The following DCST1 variants were observed in gnomAD, a reference collection of about 807,000 sequenced individuals.
The protein encoded by DCST1 is DC-STAMP domain containing 1, also known as E3 ubiquitin-protein ligase DCST1.
DCST1 carries 78 observed loss-of-function variants against 89.1 expected under a neutral mutation model. The ratio of observed to expected loss-of-function variants is 0.88; its 90% confidence interval spans 0.73 to 1.06. The LOEUF is 1.06. Ranked by LOEUF, DCST1 falls within the 50% of genes least tolerant of loss-of-function variation. The pLI is 0.00. For synonymous variants in DCST1, 364 were observed against 371.9 expected, an observed-to-expected ratio of 0.98 and a Z score of 0.24; for missense variants, 900 against 928.6, an observed-to-expected ratio of 0.97 and a Z score of 0.40.
At chr1:155,050,477 A>G in intron 16 of DCST1, 140 bp from the exon 17 acceptor site, 1 of 1,195,108 alleles carries the variant, frequency 8.4e-7, no homozygotes, top group Non-Finnish European at 1.1e-6. Context: ...CTCGCCCTCC[A>G]GGGGTTTCCT....
At position 155,046,168 on chromosome 1, in the gene DCST1, C is replaced by T. The variant is rs1558110133; in HGVS notation, c.1316C>T (p.Thr439Ile). ...LLPLRKAEEK[T>I]VIFPCKPTIQ... ...CCACTCCGCAAAGCTGAGGAGAAAA[C>T]CGTCATCTTCCCTTGCAAGCCCACC... The change falls in exon 12 of 17, where the codon ACC (threonine) becomes ATC (isoleucine). Residue 439 changes from threonine (T) to isoleucine (I), a missense_variant. Physicochemically the swap from Thr to Ile is moderately conservative, Grantham distance 89 (BLOSUM62 -1). Coordinates refer to ENST00000295542, the MANE Select transcript of DCST1 (RefSeq NM_152494.4). 4 of 1,614,234 alleles carry T rather than the reference C, an allele frequency of 2.5e-6. No homozygotes were observed. The highest frequency in any genetic ancestry group is 3.4e-6 in the Non-Finnish European group (4 of 1,180,050).
chr1:155,034,714 G>A lies in DCST1; in HGVS notation c.249G>A (p.Leu83=). ...NIYEEQKIMF[L]YSLVGLGAMG... ...ACGAAGAACAGAAGATTATGTTCTT[G>A]TACAGCTTGGTGGGTTAGTGCTGGG... is the stretch of plus-strand genomic sequence containing the variant. The change falls in exon 4 of 17, where the codon TTG becomes TTA. Residue 83 remains leucine (L), a synonymous_variant. Coordinates refer to ENST00000295542, the MANE Select transcript of DCST1 (RefSeq NM_152494.4). The A allele has an allele frequency of 6.2e-7, 1 of 1,614,176 alleles. No homozygotes were observed. The highest frequency in any genetic ancestry group is 8.5e-7 in the Non-Finnish European group (1 of 1,180,030).
At chr1:155,038,455 T>G (rs1035263164) in intron 4 of DCST1, among the ~76,000 whole-genome samples, 1 of 152,194 alleles carries the variant, frequency 6.6e-6, no homozygotes, top group African/African-American at 2.4e-5. Context: ...AGAGAGGACA[T>G]AGGGAGACTC....
At chr1:155,049,169 G>A (rs977772297) in intron 16 of DCST1, 5 of 683,286 alleles carry the variant, frequency 7.3e-6, no homozygotes, top group African/African-American at 3.5e-5. Flanking sequence ...GTGTGACCTT[G>A]AGCACATGAC....
chr1:155,033,835 G>T lies in DCST1; in HGVS notation c.-85G>T. On this transcript the variant is annotated 5_prime_UTR_variant, in exon 1 of 17. Transcript: ENST00000295542. ...GTCTTGGAATCCTTGACCCAGTTCC[G>T]AGGACTGGAGAGGGGATAGGTAGGT... 7.4e-7 allele frequency: 1 copy of T among 1,355,394 alleles called. No individual in the cohort carries two copies. Among genetic ancestry groups the T allele is most frequent in the South Asian group, 1.4e-5 (1 of 71,114 alleles). 84.0% of individuals were successfully genotyped at this position (1,355,394 alleles called of 1,614,324 possible). A position where few individuals can be genotyped will look rare whatever the true frequency, so the allele number is the denominator to read the frequency against.
chr1:155,046,041 G>A, intron 11 of DCST1, 49 bp downstream of exon 11: 1 of 1,613,156 alleles, frequency 6.2e-7, no homozygotes, highest in Non-Finnish European at 8.5e-7. Context: ...TGTGTGCCCT[G>A]TGTGGGTTCA....
chr1:155,042,002 G>T, intron 8 of DCST1, 145 bp downstream of exon 8: 1 of 1,131,462 alleles, frequency 8.8e-7, no homozygotes, highest in Non-Finnish European at 1.2e-6. Context: ...TCCACCTGCT[G>T]AATAGCTCTG....
rs772290331 is a variant in DCST1, at chr1:155,046,216, A to G, written c.1364A>G (p.Asn455Ser). Reference sequence around the variant, plus strand: ...ACCATCCAGGCCTCAGAAATGAGCAATGTGGTGAGGACAGCATGGGGAGCG... The same window carrying G: ...ACCATCCAGGCCTCAGAAATGAGCAGTGTGGTGAGGACAGCATGGGGAGCG... Reference protein sequence around the residue: ...KPTIQASEMSNVVRELLETLP... With the variant: ...KPTIQASEMSSVVRELLETLP... Residue 455 changes from asparagine (N) to serine (S), a missense_variant, in exon 12 of 17, where the codon AAT becomes AGT. Physicochemically the swap from Asn to Ser is conservative, Grantham distance 46. Coordinates refer to ENST00000295542, the MANE Select transcript of DCST1 (RefSeq NM_152494.4). The G allele has an allele frequency of 7.4e-6, 12 of 1,614,094 alleles. No individual in the cohort carries two copies. The Admixed American group carries it at 1.8e-4, about 25-fold the overall frequency.
At chr1:155,049,071 C>T (rs1046344604) in intron 16 of DCST1, 1 of 717,226 alleles carries the variant, frequency 1.4e-6, no homozygotes, top group African/African-American at 1.7e-5. Context: ...CACTGGAGAT[C>T]AGCCTAGAGT....
rs1315035338 is a variant in DCST1 at position 155,041,835 on chromosome 1, G to A, written c.870G>A (p.Lys290=). ...TGCTCTGCCTGCCTATGAAGTTCAA[G>A]TTCTTCTGTGGCATTGCCAAGGGTC... The part of the protein sequence containing the change: ...THLLCLPMKF[K]FFCGIAKVME... Residue 290 remains lysine (K), a synonymous_variant, in exon 8 of 17, where the codon AAG becomes AAA. Transcript: ENST00000295542. The A allele has an allele frequency of 1.2e-6, 2 of 1,614,260 alleles. No individual in the cohort carries two copies. Among genetic ancestry groups the A allele is most frequent in the Admixed American group, 3.3e-5 (2 of 60,032 alleles).
At chr1:155,035,068 A>ATTCG (rs1660232606) in intron 4 of DCST1, 1 of 306,406 alleles carries the variant, frequency 3.3e-6, no homozygotes, top group South Asian at 4.5e-5. Context: ...TCATTCATTC[A>ATTCG]TTCATTCACT....
intron 2 of DCST1, 87 bp from the exon 3 acceptor site, chr1:155,034,348 C>T (rs1235065993): frequency 6.2e-7 from 1 of 1,608,774 alleles, no homozygotes; most frequent in Non-Finnish European, 8.5e-7. Flanking sequence ...GTTTCCCCAG[C>T]CTCTATCCAC....
At chr1:155,042,703 G>A in intron 8 of DCST1, 32 bp from the exon 9 acceptor site, 7 of 1,613,598 alleles carry the variant, frequency 4.3e-6, no homozygotes, top group Non-Finnish European at 5.9e-6. Flanking sequence ...ACAGGCCCGG[G>A]GAGGCCCCTG....
chr1:155,050,643 C>T lies in DCST1; in HGVS notation c.1896C>T (p.His632=), dbSNP rs767413928. 19 of 1,594,044 alleles carry T rather than the reference C, an allele frequency of 1.2e-5. No individual in the cohort carries two copies. The South Asian group carries it at 1.7e-4, about 14-fold the overall frequency. Residue 632 remains histidine, a synonymous_variant, in exon 17 of 17, where the codon CAC becomes CAT. Transcript: ENST00000295542. ...GCCACCCGCTGGCGGATATCCTGCA[C>T]CGCGGCTGCCCGCTCCTGCGCCGCT... ...APRHPLADIL[H]RGCPLLRRWL...
chr1:155,039,525 T>G lies in DCST1; in HGVS notation c.385T>G (p.Tyr129Asp). ...CCTGGGATACGCCTTGGCTGCCATC[T>G]ATGTGGGTGAGTATGTGGGGGCCAG... Reference protein sequence around the residue: ...FVLGYALAAIYVGPVANLRHN... With the variant: ...FVLGYALAAIDVGPVANLRHN... The change falls in exon 5 of 17, where the codon TAT becomes GAT. Residue 129 changes from tyrosine (Y) to aspartate (D), a missense_variant. Physicochemically the swap from Tyr to Asp is radical, Grantham distance 160. Transcript: ENST00000295542. 6.3e-7 allele frequency: 1 copy of G among 1,593,498 alleles called. No homozygotes were observed. The highest frequency in any genetic ancestry group is 8.6e-7 in the Non-Finnish European group (1 of 1,169,150).
Position 155,033,848 on chromosome 1 carries a change from G to C in DCST1, c.-72G>C. The C allele has an allele frequency of 1.5e-6, 2 of 1,313,654 alleles. No homozygotes were observed. Among genetic ancestry groups the C allele is most frequent in the Non-Finnish European group, 2.1e-6 (2 of 958,084 alleles). 81.4% of individuals were successfully genotyped at this position (1,313,654 alleles called of 1,614,324 possible). Reference sequence around the variant, plus strand: ...TGACCCAGTTCCGAGGACTGGAGAGGGGATAGGTAGGTCTCTAATCTCCTT... The same window carrying C: ...TGACCCAGTTCCGAGGACTGGAGAGCGGATAGGTAGGTCTCTAATCTCCTT... On this transcript the variant is annotated 5_prime_UTR_variant, in exon 1 of 17. Transcript: ENST00000295542.
intron 6 of DCST1, 148 bp downstream of exon 6, chr1:155,040,772 C>T (rs370167502): frequency 6.3e-6 from 8 of 1,267,454 alleles, no homozygotes; most frequent in East Asian, 2.6e-5. Flanking sequence ...CATTGCAGAA[C>T]GTGCCCTGGT....
intron 7 of DCST1, 41 bp from the exon 8 acceptor site, chr1:155,041,673 C>T (rs757953191): frequency 6.2e-7 from 1 of 1,613,960 alleles, no homozygotes; most frequent in African/African-American, 1.3e-5. Context: ...CATTGTGGAT[C>T]AAGATGTGGG....
intron 16 of DCST1, among the ~76,000 whole-genome samples, chr1:155,048,591 A>C (rs1487621943): frequency 2.0e-5 from 3 of 152,092 alleles, no homozygotes; most frequent in African/African-American, 7.2e-5. Context: ...TGAGCCACCA[A>C]GCCCAGCCAA....
Sources: allele counts gnomAD v4.1 joint callset (sites outside exome capture counted in the v4.1 genomes callset), GRCh38; gene constraint gnomAD v4.1.1; transcripts MANE v1.5; gene names NCBI Gene and HGNC (gene_info 2026-07-23, HGNC 2026-07-21).